SFMBT2: variants seen among roughly 807,000 people sequenced by gnomAD.
The protein encoded by SFMBT2 is scm-like with four MBT domains protein 2.
In SFMBT2, 38 loss-of-function variants were observed where a neutral mutation model predicts 110.1. The ratio of observed to expected loss-of-function variants is 0.35; its 90% CI spans 0.27 to 0.45. The LOEUF (loss-of-function observed/expected upper bound fraction) is 0.45, where lower values mean the gene tolerates loss of function less well. Among genes scored for constraint, SFMBT2 ranks in the 20% least tolerant of loss-of-function variants. The probability of loss-of-function intolerance (pLI) is 1.00; values close to 1 mark genes in which losing one functional copy is unlikely to be tolerated. For missense variants in SFMBT2, 1,011 were observed against 1,094.9 expected (o/e 0.92, Z 1.08); for synonymous variants, 425 against 425.4 (o/e 1.00, Z 0.01).
chr10:7,242,001 T>C (rs1179135004), intron 9 of SFMBT2, among the ~76,000 whole-genome samples: 1 of 152,044 alleles, frequency 6.6e-6, no homozygotes, highest in African/African-American at 2.4e-5. Flanking sequence ...CTAGAAAAAG[T>C]TTTCCTTCAA....
intron 1 of SFMBT2, among the ~76,000 whole-genome samples, chr10:7,410,112 A>G (rs1846332309): frequency 6.6e-6 from 1 of 152,242 alleles, no homozygotes; most frequent in South Asian, 2.1e-4. Flanking sequence ...CAAGTCAGCA[A>G]TTTTGAAAGG....
chr10:7,329,663 G>A (rs778412828), intron 4 of SFMBT2: 144 of 257,406 alleles, frequency 5.6e-4, no homozygotes, highest in Non-Finnish European at 8.1e-4. Context: ...CACAATAACC[G>A]GGGCCTTGGC....
rs113904162 is a variant in SFMBT2, at chr10:7,271,170, C to T, written c.870+5722G>A. 8.6e-3 allele frequency among the ~76,000 whole-genome samples: 1,300 copies of T among 151,586 alleles called. 4 individuals are homozygous for T. The highest frequency in any genetic ancestry group is 0.015 in the Non-Finnish European group (1,026 of 67,940). On this transcript the variant is annotated intron_variant, in intron 7 of 20. Coordinates refer to ENST00000397167, the MANE Select transcript of SFMBT2 (RefSeq NM_001387889.1). The stretch of plus-strand genomic sequence containing the variant: ...GGGCCTGGTGGTGCATGCCTGTAAT[C>T]CCAGCTACTTGAGAGGCTGAGGCAG...
chr10:7,199,484 A>C (rs1838883539), intron 14 of SFMBT2, among the ~76,000 whole-genome samples: 1 of 152,230 alleles, frequency 6.6e-6, no homozygotes, highest in African/African-American at 2.4e-5. Context: ...GAACCAGCAG[A>C]GGTAGGAAGC....
chr10:7,230,253 T>G (rs1015761180), intron 9 of SFMBT2, among the ~76,000 whole-genome samples: 3 of 152,152 alleles, frequency 2.0e-5, no homozygotes, highest in African/African-American at 7.2e-5. Flanking sequence ...TGCCCTTCTC[T>G]CTAAAGCTCC....
intron 16 of SFMBT2, chr10:7,176,508 G>C: frequency 1.0e-6 from 1 of 985,324 alleles, no homozygotes; most frequent in Non-Finnish European, 1.2e-6. Flanking sequence ...TAGTGAAATC[G>C]AATGGGTATT....
chr10:7,233,813 C>A (rs1217159042), intron 9 of SFMBT2, among the ~76,000 whole-genome samples: 1 of 152,220 alleles, frequency 6.6e-6, no homozygotes, highest in Non-Finnish European at 1.5e-5. Context: ...AAGCCAGGGG[C>A]TCTGTGGCAA....
chr10:7,322,839 C>T (rs1843238671), intron 4 of SFMBT2, among the ~76,000 whole-genome samples: 1 of 152,168 alleles, frequency 6.6e-6, no homozygotes, highest in Admixed American at 6.5e-5. Context: ...TTGACCAGGG[C>T]ATGGGAAAAC....
At chr10:7,303,729 T>C (rs554066124) in intron 4 of SFMBT2, among the ~76,000 whole-genome samples, 1 of 152,276 alleles carries the variant, frequency 6.6e-6, no homozygotes, top group South Asian at 2.1e-4. Flanking sequence ...TCATCAAAAT[T>C]CTTATTTCTT....
At chr10:7,259,173 A>G (rs1841122284) in intron 7 of SFMBT2, among the ~76,000 whole-genome samples, 1 of 152,168 alleles carries the variant, frequency 6.6e-6, no homozygotes, top group Non-Finnish European at 1.5e-5. Flanking sequence ...GGAAGGCGCA[A>G]AACTTCTCCA....
In SFMBT2 at chr10:7,208,891, A is replaced by G. The variant is rs561799345; in HGVS notation, c.1331-2963T>C. On this transcript the variant is annotated intron_variant, in intron 11 of 20. Coordinates refer to ENST00000397167, the MANE Select transcript of SFMBT2 (RefSeq NM_001387889.1). ...AATCCTTTGATCATCTTTCCCATTC[A>G]ATTAAACAAGTATTTATGAGGTCAG... 2.7e-3 allele frequency among the ~76,000 whole-genome samples: 414 copies of G among 152,228 alleles called. 1 individual carries two copies. Among genetic ancestry groups the G allele is most frequent in the Non-Finnish European group, 4.5e-3 (303 of 68,006 alleles).
At position 7,301,975 on chromosome 10, in the gene SFMBT2, G is replaced by A. The variant is rs886653753; in HGVS notation, c.437-16021C>T. ...GGGACAGGGGAGGTGTGGACTGGGGGAAGCACAGAGACCGTCATAAGCCTC... is the reference window on the plus strand; with the variant it reads ...GGGACAGGGGAGGTGTGGACTGGGGAAAGCACAGAGACCGTCATAAGCCTC... On this transcript the variant is annotated intron_variant, in intron 4 of 20. Transcript: ENST00000397167. This position sits in a 1 kb window ranked among gnomAD's most constrained non-coding sequence, Gnocchi z 4.2. Among the ~76,000 whole-genome samples, 5 of 152,228 alleles carry A rather than the reference G, an allele frequency of 3.3e-5. No individual in the cohort carries two copies. Among genetic ancestry groups the A allele is most frequent in the African/African-American group, 7.2e-5 (3 of 41,522 alleles).
At chr10:7,237,782 T>C (rs1228054833) in intron 9 of SFMBT2, among the ~76,000 whole-genome samples, 1 of 152,162 alleles carries the variant, frequency 6.6e-6, no homozygotes, top group Non-Finnish European at 1.5e-5. Context: ...GACTTATTTG[T>C]GTATTATATG....
At chr10:7,237,107 AC>A (rs1383577375) in intron 9 of SFMBT2, among the ~76,000 whole-genome samples, 1 of 152,196 alleles carries the variant, frequency 6.6e-6, no homozygotes, top group East Asian at 1.9e-4. Flanking sequence ...ATGCTCAAAC[AC>A]CATGTTAGAA....
At chr10:7,298,182 T>TAAC (rs1341757093) in intron 4 of SFMBT2, among the ~76,000 whole-genome samples, 2 of 152,216 alleles carry the variant, frequency 1.3e-5, no homozygotes, top group East Asian at 3.8e-4. Flanking sequence ...GGGATTCCCC[T>TAAC]AACAGCCAGC....
intron 4 of SFMBT2, among the ~76,000 whole-genome samples, chr10:7,336,891 A>T (rs1263101625): frequency 6.6e-6 from 1 of 152,224 alleles, no homozygotes; most frequent in Non-Finnish European, 1.5e-5. Context: ...GTGCGTGAAG[A>T]CAGAACAGAG....
At chr10:7,352,236 C>T (rs957277365) in intron 4 of SFMBT2, among the ~76,000 whole-genome samples, 1 of 152,164 alleles carries the variant, frequency 6.6e-6, no homozygotes, top group Non-Finnish European at 1.5e-5. Flanking sequence ...GCGGATTCTC[C>T]CAGAAGGGAC....
intron 4 of SFMBT2, among the ~76,000 whole-genome samples, chr10:7,300,842 T>C (rs1244324717): frequency 1.3e-5 from 2 of 152,248 alleles, no homozygotes; most frequent in Non-Finnish European, 2.9e-5. Flanking sequence ...ATTTCTGTCA[T>C]TAGCTGCAAA....
chr10:7,396,558 C>T (rs1479883128), intron 1 of SFMBT2, among the ~76,000 whole-genome samples: 1 of 152,082 alleles, frequency 6.6e-6, no homozygotes, highest in Non-Finnish European at 1.5e-5. Flanking sequence ...AAAGATAAGT[C>T]CAGTTCCAAC....
Sources: allele counts gnomAD v4.1 joint callset (sites outside exome capture counted in the v4.1 genomes callset), GRCh38; gene constraint gnomAD v4.1.1; non-coding constraint Gnocchi (gnomAD v3.1); transcripts MANE v1.5; gene names NCBI Gene and HGNC (gene_info 2026-07-23, HGNC 2026-07-21).